LRRC4C: variants seen among roughly 807,000 people sequenced by gnomAD.
LRRC4C encodes the protein leucine rich repeat containing 4C.
A neutral mutation model predicts 33.6 loss-of-function variants in LRRC4C; 5 were observed. The observed-to-expected ratio is 0.15, with a 90% CI of 0.08 to 0.31. The LOEUF is 0.31. Ranked by LOEUF, LRRC4C falls within the 10% of genes least tolerant of loss-of-function variation. LRRC4C has a pLI of 1.00. For missense variants in LRRC4C, 560 were observed against 796.7 expected (o/e 0.70, Z 3.58); for synonymous variants, 329 against 302.0 (o/e 1.09, Z -0.93).
intron 3 of LRRC4C, among the ~76,000 whole-genome samples, chr11:40,499,155 T>A (rs746890910): frequency 6.6e-6 from 1 of 152,042 alleles, no homozygotes; most frequent in African/African-American, 2.4e-5. Flanking sequence ...GATGGGAAAA[T>A]GAGATGTCAG....
chr11:40,243,998 C>T (rs746981169), intron 4 of LRRC4C, among the ~76,000 whole-genome samples: 4 of 151,850 alleles, frequency 2.6e-5, no homozygotes, highest in Non-Finnish European at 5.9e-5. Flanking sequence ...CAGCTCCCAG[C>T]CAAAACTTAT....
intron 1 of LRRC4C, among the ~76,000 whole-genome samples, chr11:41,253,048 T>C (rs1270618204): frequency 1.3e-5 from 2 of 152,110 alleles, no homozygotes; most frequent in Admixed American, 6.6e-5. Context: ...TTATTTTGAG[T>C]AAGAGTCAAG....
chr11:41,443,089 A>ATTTTTTTTTTTTTTTTTTTTTTCTTATT, intron 1 of LRRC4C, among the ~76,000 whole-genome samples: 1 of 105,994 alleles, frequency 9.4e-6, no homozygotes, highest in Non-Finnish European at 1.8e-5. Context: ...TGTTTGCTTC[A>ATTTTTTTTTTTTTTTTTTTTTTCTTATT]TTTTTTTTTT....
At chr11:40,984,413 A>AAGAAAGAG (rs1022391243) in intron 1 of LRRC4C, among the ~76,000 whole-genome samples, 1 of 75,252 alleles carries the variant, frequency 1.3e-5, no homozygotes, top group Non-Finnish European at 3.4e-5. Context: ...GAAAGAAAGA[A>AAGAAAGAG]AGAGAAAGAA....
intron 2 of LRRC4C, among the ~76,000 whole-genome samples, chr11:40,749,472 A>G (rs1323758113): frequency 6.6e-6 from 1 of 150,404 alleles, no homozygotes; most frequent in Non-Finnish European, 1.5e-5. Flanking sequence ...AAAAAAAAAA[A>G]ACCCTATAAT....
intron 1 of LRRC4C, among the ~76,000 whole-genome samples, chr11:41,225,267 T>C (rs1383733840): frequency 1.3e-5 from 2 of 152,102 alleles, no homozygotes; most frequent in Non-Finnish European, 2.9e-5. Flanking sequence ...ATAATTTAAC[T>C]GTATATTTTA....
intron 2 of LRRC4C, among the ~76,000 whole-genome samples, chr11:40,830,965 T>C (rs923760651): frequency 2.0e-5 from 3 of 152,148 alleles, no homozygotes; most frequent in African/African-American, 4.8e-5. Flanking sequence ...CAAAGACACT[T>C]GTTGGAATCA....
chr11:41,017,178 T>C (rs1352785750), intron 1 of LRRC4C, among the ~76,000 whole-genome samples: 1 of 152,186 alleles, frequency 6.6e-6, no homozygotes, highest in Non-Finnish European at 1.5e-5. Flanking sequence ...TTCACAAATA[T>C]CTTTATATTT....
chr11:41,233,967 C>CTT (rs34427207), intron 1 of LRRC4C, among the ~76,000 whole-genome samples: 15 of 140,346 alleles, frequency 1.1e-4, no homozygotes, highest in African/African-American at 2.3e-4. Context: ...TCTCCAAAAG[C>CTT]TTTTTTTTTT....
At chr11:40,196,112 T>C (rs1039317595) in intron 5 of LRRC4C, among the ~76,000 whole-genome samples, 1 of 152,224 alleles carries the variant, frequency 6.6e-6, no homozygotes, top group Non-Finnish European at 1.5e-5. Context: ...GCACAAACTC[T>C]TGTGTTTCTA....
At chr11:40,437,758 A>G (rs1398867076) in intron 3 of LRRC4C, among the ~76,000 whole-genome samples, 3 of 152,046 alleles carry the variant, frequency 2.0e-5, no homozygotes, top group Non-Finnish European at 4.4e-5. Context: ...GCCAGGCTGG[A>G]GTGCAGTGGC....
At chr11:40,158,003 G>A (rs553114759) in intron 5 of LRRC4C, among the ~76,000 whole-genome samples, 8 of 152,280 alleles carry the variant, frequency 5.3e-5, no homozygotes, top group Non-Finnish European at 8.8e-5. Context: ...GCAAAATCAT[G>A]AAACCAACCC....
chr11:40,713,534 T>C (rs1946565284), intron 2 of LRRC4C, among the ~76,000 whole-genome samples: 1 of 152,162 alleles, frequency 6.6e-6, no homozygotes, highest in African/African-American at 2.4e-5. Flanking sequence ...GAACTCTTAA[T>C]TGTTTCTTCA....
In LRRC4C at chr11:40,857,734, G is replaced by A. The variant is rs910889158; in HGVS notation, c.-407+75901C>T. Reference sequence around the variant, plus strand: ...GTTTGAGATCAACCTAGGCAGCATGGCAAATCCCTGTCTTTACAAGAAATA... The same window carrying A: ...GTTTGAGATCAACCTAGGCAGCATGACAAATCCCTGTCTTTACAAGAAATA... On this transcript the variant is annotated intron_variant, in intron 2 of 6. Transcript: ENST00000528697. Among the ~76,000 whole-genome samples, 11 of 152,094 alleles carry A rather than the reference G, an allele frequency of 7.2e-5. No homozygotes were observed. In the South Asian group the frequency reaches 2.3e-3, roughly 32 times the overall value.
intron 4 of LRRC4C, among the ~76,000 whole-genome samples, chr11:40,259,988 CAG>C (rs1867562030): frequency 6.8e-6 from 1 of 146,642 alleles, no homozygotes; most frequent in African/African-American, 2.6e-5. Context: ...TTGTGGAAGT[CAG>C]TGTGGCGATT....
At chr11:40,849,335 G>T (rs1321367889) in intron 2 of LRRC4C, among the ~76,000 whole-genome samples, 5 of 152,170 alleles carry the variant, frequency 3.3e-5, no homozygotes, top group Non-Finnish European at 2.9e-5. Flanking sequence ...AGGCAGGCCT[G>T]GTGGTGACAA....
At chr11:40,920,194 A>T (rs1461287193) in intron 2 of LRRC4C, among the ~76,000 whole-genome samples, 1 of 152,154 alleles carries the variant, frequency 6.6e-6, no homozygotes, top group African/African-American at 2.4e-5. Flanking sequence ...TTTCCTAATT[A>T]TTATTCCTTT....
At chr11:40,766,353 T>TAAAAAAAA (rs60152534) in intron 2 of LRRC4C, among the ~76,000 whole-genome samples, 21 of 33,914 alleles carry the variant, frequency 6.2e-4, no homozygotes, top group Non-Finnish European at 9.5e-4. Flanking sequence ...TTCAGTCTGT[T>TAAAAAAAA]AAAAAAAAAA....
chr11:41,378,300 T>C (rs78306202), intron 1 of LRRC4C, among the ~76,000 whole-genome samples: 1,650 of 152,214 alleles, frequency 0.011, 29 homozygotes, highest in African/African-American at 0.037. Context: ...CCAGGAGAAA[T>C]GAAAAGTTTT....
Sources: allele counts gnomAD v4.1 joint callset (sites outside exome capture counted in the v4.1 genomes callset), GRCh38; gene constraint gnomAD v4.1.1; transcripts MANE v1.5; gene names NCBI Gene and HGNC (gene_info 2026-07-23, HGNC 2026-07-21).